Variants in WNT8B observed in about 807,000 individuals in gnomAD.
The protein encoded by WNT8B is protein Wnt-8b.
A neutral mutation model predicts 36.6 loss-of-function variants in WNT8B; 24 were observed. The ratio of observed to expected loss-of-function variants is 0.66; its 90% CI spans 0.48 to 0.92. The LOEUF (loss-of-function observed/expected upper bound fraction) is 0.92, where lower values mean the gene tolerates loss of function less well. Ranked by LOEUF, WNT8B falls within the 40% of genes least tolerant of loss-of-function variation. The pLI is 0.00. For synonymous variants in WNT8B, 199 were observed against 189.8 expected (o/e 1.05, Z -0.40); for missense variants, 402 against 470.8 (o/e 0.85, Z 1.35).
rs148728439 is a variant in WNT8B at position 100,469,291 on chromosome 10, A to T, written c.68+6055A>T. ...AGCTACTTTCATGTCATAACTCCTC[A>T]CTCTCTGCAATCTGGCTTGTGTTCT... On this transcript the variant is annotated intron_variant, in intron 1 of 5. Coordinates refer to ENST00000343737, the MANE Select transcript of WNT8B (RefSeq NM_003393.4). Among the ~76,000 whole-genome samples, 10 of 151,740 alleles carry T rather than the reference A, an allele frequency of 6.6e-5. No individual in the cohort carries two copies. In the East Asian group the frequency reaches 1.9e-3, roughly 29 times the overall value.
At chr10:100,471,092 A>T (rs900347127) in intron 1 of WNT8B, among the ~76,000 whole-genome samples, 1 of 152,244 alleles carries the variant, frequency 6.6e-6, no homozygotes, top group Non-Finnish European at 1.5e-5. Context: ...ATAATTGCCC[A>T]CAGTAGTCAG....
chr10:100,463,106 T>C lies in WNT8B; in HGVS notation c.-63T>C. The stretch of plus-strand genomic sequence containing the variant: ...CCACTGGCACTGAGGAGAATATTTC[T>C]CCGTCTTGCTTACCCATCTCCCAGT... On this transcript the variant is annotated 5_prime_UTR_variant, in exon 1 of 6. Coordinates refer to ENST00000343737, the MANE Select transcript of WNT8B (RefSeq NM_003393.4). 2 of 1,476,980 alleles carry C rather than the reference T, an allele frequency of 1.4e-6. No individual in the cohort carries two copies. Among genetic ancestry groups the C allele is most frequent in the East Asian group, 2.3e-5 (1 of 44,040 alleles). 91.5% of individuals were successfully genotyped at this position (1,476,980 alleles called of 1,614,324 possible). A position where few individuals can be genotyped will look rare whatever the true frequency, so the allele number is the denominator to read the frequency against.
chr10:100,464,969 T>C (rs1172338466), intron 1 of WNT8B, among the ~76,000 whole-genome samples: 1 of 152,234 alleles, frequency 6.6e-6, no homozygotes, highest in Non-Finnish European at 1.5e-5. Flanking sequence ...CTTTATGCCA[T>C]GCAGAGAAAT....
At chr10:100,478,583 T>TG in intron 1 of WNT8B, among the ~76,000 whole-genome samples, 1 of 149,148 alleles carries the variant, frequency 6.7e-6, no homozygotes, top group South Asian at 2.1e-4. Context: ...GTGTGTGTGT[T>TG]TTTTTTTTTT....
Position 100,482,479 on chromosome 10 carries a change from C to G in WNT8B, c.719C>G (p.Ser240Cys). The G allele has an allele frequency of 6.2e-7, 1 of 1,603,080 alleles. No homozygotes were observed. Among genetic ancestry groups the G allele is most frequent in the Non-Finnish European group, 8.5e-7 (1 of 1,179,788 alleles). Residue 240 changes from serine to cysteine, a missense_variant, in exon 6 of 6, where the codon TCC (serine) becomes TGC (cysteine). Coordinates refer to ENST00000343737, the MANE Select transcript of WNT8B (RefSeq NM_003393.4). This position sits in a 1 kb window ranked among gnomAD's most constrained non-coding sequence, Gnocchi z 6.6. ...GGCGCCATCGCCGACACCTTTCGCT[C>G]CATCTCTACCCGGGAGCTGGTGCAC... Reference protein sequence around the residue: ...GRGAIADTFRSISTRELVHLE... With the variant: ...GRGAIADTFRCISTRELVHLE...
Position 100,479,798 on chromosome 10 carries a change from G to C in WNT8B, c.103-76G>C, listed in dbSNP as rs185527600. 33 of 1,555,332 alleles carry C rather than the reference G, an allele frequency of 2.1e-5. No individual in the cohort carries two copies. In the Admixed American group the frequency reaches 3.6e-4, roughly 17 times the overall value. On this transcript the variant is annotated intron_variant, in intron 2 of 5. Transcript: ENST00000343737. The stretch of plus-strand genomic sequence containing the variant: ...TTTGGAGGGATGGGAGAGTGAGCAG[G>C]AAGAGGGCTGTTTGGTCAGTTTAGG...
At chr10:100,469,187 C>G (rs17671861) in intron 1 of WNT8B, among the ~76,000 whole-genome samples, 3,679 of 152,296 alleles carry the variant, frequency 0.024, 65 homozygotes, top group Non-Finnish European at 0.033. Context: ...ATACCTTCCT[C>G]TGGCCCCAAT....
At chr10:100,480,874 T>C (rs1851101107) in intron 3 of WNT8B, 124 bp from the exon 4 acceptor site, 1 of 1,114,562 alleles carries the variant, frequency 9.0e-7, no homozygotes, top group Non-Finnish European at 1.3e-6. Context: ...ATAATAAAGA[T>C]GGGGAAATAG....
At chr10:100,472,972 C>G (rs1023167605) in intron 1 of WNT8B, among the ~76,000 whole-genome samples, 5 of 152,206 alleles carry the variant, frequency 3.3e-5, no homozygotes, top group Admixed American at 3.3e-4. Context: ...CTATATTTCT[C>G]AAAATCTTTT....
Position 100,482,049 on chromosome 10 carries a change from C to G in WNT8B, c.505C>G (p.Arg169Gly). ...AMNLHNNEAGRKAVKGTMKRT... is the reference protein window; with the variant it reads ...AMNLHNNEAGGKAVKGTMKRT... ...GAACCTGCACAACAACGAGGCTGGC[C>G]GCAAGGTGAGTCCCGCAGCCCTTGG... The change falls in exon 5 of 6, where the codon CGC becomes GGC. Residue 169 changes from arginine to glycine, a missense_variant. By Grantham distance (125) the Arg-to-Gly change is moderately radical (BLOSUM62 -2). Transcript: ENST00000343737. The surrounding 1 kb of genome is among the most constrained non-coding windows in gnomAD (Gnocchi z 6.6). 1 of 1,614,154 alleles carries G rather than the reference C, an allele frequency of 6.2e-7. No homozygotes were observed. The highest frequency in any genetic ancestry group is 8.5e-7 in the Non-Finnish European group (1 of 1,180,004).
chr10:100,465,275 G>A (rs1390099426), intron 1 of WNT8B, among the ~76,000 whole-genome samples: 1 of 152,096 alleles, frequency 6.6e-6, no homozygotes, highest in Non-Finnish European at 1.5e-5. Flanking sequence ...ACACTTCCAA[G>A]GAGAACTGTC....
rs1315357107 is a variant in WNT8B at position 100,480,162 on chromosome 10, C to T, written c.241+150C>T. The stretch of plus-strand genomic sequence containing the variant: ...CTCCAGGATCTTCTCTTTTCCTTTT[C>T]TACTTCCTTTTTCCCACCTGTAGAG... On this transcript the variant is annotated intron_variant, in intron 3 of 5. Coordinates refer to ENST00000343737, the MANE Select transcript of WNT8B (RefSeq NM_003393.4). 1.4e-5 allele frequency: 15 copies of T among 1,069,016 alleles called. No individual in the cohort carries two copies. In the African/African-American group the frequency reaches 2.3e-4, roughly 16 times the overall value. 66.2% of individuals were successfully genotyped at this position (1,069,016 alleles called of 1,614,324 possible). A position where few individuals can be genotyped will look rare whatever the true frequency, so the allele number is the denominator to read the frequency against.
intron 4 of WNT8B, 137 bp downstream of exon 4, chr10:100,481,260 T>C (rs543147392): frequency 1.6e-6 from 2 of 1,247,400 alleles, no homozygotes; most frequent in Admixed American, 5.8e-5. Context: ...ACGAGTTTGA[T>C]CCCAAGCCCT....
intron 1 of WNT8B, among the ~76,000 whole-genome samples, chr10:100,472,957 G>A (rs1331936465): frequency 6.6e-6 from 1 of 152,186 alleles, no homozygotes; most frequent in South Asian, 2.1e-4. Context: ...CTTGCCACAG[G>A]CTTCCTATAT....
intron 2 of WNT8B, 81 bp from the exon 3 acceptor site, chr10:100,479,793 A>T (rs986559498): frequency 6.5e-7 from 1 of 1,537,736 alleles, no homozygotes. Context: ...TGGGAGAGTG[A>T]GCAGGAAGAG....
chr10:100,482,418 C>T lies in WNT8B; in HGVS notation c.658C>T (p.Leu220=). Residue 220 remains leucine (L), a synonymous_variant, in exon 6 of 6, where the codon CTG becomes TTG. Transcript: ENST00000343737. The surrounding 1 kb of genome is among the most constrained non-coding windows in gnomAD (Gnocchi z 6.6). ...EKYHAALKVD[L]LQGAGNSAAG... ...GTACCACGCAGCACTCAAGGTGGAC[C>T]TGCTGCAGGGTGCTGGCAACAGCGC... 1.2e-6 allele frequency: 2 copies of T among 1,607,116 alleles called. No individual in the cohort carries two copies. The highest frequency in any genetic ancestry group is 1.7e-6 in the Non-Finnish European group (2 of 1,179,920).
intron 3 of WNT8B, among the ~76,000 whole-genome samples, chr10:100,480,247 A>T (rs1851093039): frequency 6.6e-6 from 1 of 152,036 alleles, no homozygotes; most frequent in African/African-American, 2.4e-5. Context: ...CTTACTCCCA[A>T]TCCCATACCA....
At chr10:100,464,335 T>G (rs1000191400) in intron 1 of WNT8B, among the ~76,000 whole-genome samples, 1 of 152,190 alleles carries the variant, frequency 6.6e-6, no homozygotes, top group Non-Finnish European at 1.5e-5. Flanking sequence ...CATTTTTAAT[T>G]GGCATTTTAA....
chr10:100,477,945 T>G, intron 1 of WNT8B, among the ~76,000 whole-genome samples: 1 of 149,952 alleles, frequency 6.7e-6, no homozygotes, highest in Non-Finnish European at 1.5e-5. Context: ...CCTAGCTATT[T>G]TTTTTTTTTT....
Sources: gnomAD v4.1 joint callset for allele counts (sites outside exome capture counted in the v4.1 genomes callset) on GRCh38, gnomAD v4.1.1 for gene constraint, Gnocchi (gnomAD v3.1) non-coding constraint, MANE v1.5 for transcripts, NCBI Gene and HGNC (gene_info 2026-07-23, HGNC 2026-07-21) for gene names.